CNTNAP2: variants seen among roughly 807,000 people sequenced by gnomAD.
The protein encoded by CNTNAP2 is contactin associated protein 2, also known as contactin-associated protein-like 2.
Under a neutral mutation model 155.2 loss-of-function variants are expected in CNTNAP2, and 98 were observed. The ratio of observed to expected loss-of-function variants is 0.63; its 90% CI spans 0.54 to 0.75. The LOEUF is 0.75. Ranked by LOEUF, CNTNAP2 falls within the 30% of genes least tolerant of loss-of-function variation. CNTNAP2 has a pLI of 0.00. For synonymous variants in CNTNAP2, 651 were observed against 631.2 expected (o/e 1.03, Z -0.47); for missense variants, 1,727 against 1,688.1 (o/e 1.02, Z -0.40).
intron 21 of CNTNAP2, among the ~76,000 whole-genome samples, chr7:148,365,758 GTGTATA>G (rs1798733642): frequency 1.1e-5 from 1 of 90,714 alleles, no homozygotes; most frequent in East Asian, 2.1e-4. Flanking sequence ...ATACATGTAT[GTGTATA>G]CGTGTATACA....
intron 1 of CNTNAP2, among the ~76,000 whole-genome samples, chr7:146,358,800 G>A (rs948862997): frequency 6.6e-6 from 1 of 152,174 alleles, no homozygotes; most frequent in African/African-American, 2.4e-5. Flanking sequence ...TTTAGGTTAA[G>A]AAACAGAATC....
intron 13 of CNTNAP2, among the ~76,000 whole-genome samples, chr7:147,871,371 T>C (rs1799323782): frequency 6.6e-6 from 1 of 152,238 alleles, no homozygotes; most frequent in African/African-American, 2.4e-5. Context: ...CTGCCCCAGA[T>C]ATTTTACTGG....
At chr7:147,719,254 C>T (rs1008472939) in intron 13 of CNTNAP2, among the ~76,000 whole-genome samples, 8 of 152,024 alleles carry the variant, frequency 5.3e-5, no homozygotes, top group Admixed American at 2.0e-4. Context: ...ACTCCAACTG[C>T]AAACAAGCCC....
At chr7:146,261,271 T>G (rs192998293) in intron 1 of CNTNAP2, among the ~76,000 whole-genome samples, 1 of 152,114 alleles carries the variant, frequency 6.6e-6, no homozygotes, top group East Asian at 1.9e-4. Context: ...ACTTAGTTAC[T>G]GAGATTAATA....
At chr7:146,380,867 G>T (rs947244330) in intron 1 of CNTNAP2, among the ~76,000 whole-genome samples, 1 of 127,156 alleles carries the variant, frequency 7.9e-6, no homozygotes. Context: ...GCGCAATCTC[G>T]GCTCACTGCA....
At chr7:146,970,985 C>G (rs565639746) in intron 3 of CNTNAP2, among the ~76,000 whole-genome samples, 7 of 152,224 alleles carry the variant, frequency 4.6e-5, no homozygotes, top group African/African-American at 1.7e-4. Flanking sequence ...ACTGCATATT[C>G]TCACTCATAG....
chr7:147,450,273 C>T (rs1554486210), intron 10 of CNTNAP2, among the ~76,000 whole-genome samples: 1 of 152,170 alleles, frequency 6.6e-6, no homozygotes. Flanking sequence ...ATGTGAGATG[C>T]AATATGAGGA....
rs182989243 is a variant in CNTNAP2 at position 146,778,182 on chromosome 7, G to A, written c.208+3801G>A. On this transcript the variant is annotated intron_variant, in intron 2 of 23. Transcript: ENST00000361727. ...GTTGAGCATTATGTTGATAAACATT[G>A]GCTTCAAGTTTTATTATTTACTTAA... 2.0e-3 allele frequency among the ~76,000 whole-genome samples: 304 copies of A among 152,170 alleles called. 2 individuals carry two copies. Among genetic ancestry groups the A allele is most frequent in the African/African-American group, 7.0e-3 (290 of 41,522 alleles).
chr7:146,935,712 A>G (rs780182337), intron 3 of CNTNAP2, among the ~76,000 whole-genome samples: 2 of 152,222 alleles, frequency 1.3e-5, no homozygotes, highest in Non-Finnish European at 2.9e-5. Flanking sequence ...AAACAGAAGT[A>G]TCTGTGCAGC....
intron 10 of CNTNAP2, among the ~76,000 whole-genome samples, chr7:147,482,045 ATTC>A (rs1414542673): frequency 6.6e-6 from 1 of 152,142 alleles, no homozygotes; most frequent in Non-Finnish European, 1.5e-5. Context: ...GCATTCATCC[ATTC>A]TTTCAGTCAA....
At chr7:148,075,504 C>T (rs1803467809) in intron 15 of CNTNAP2, among the ~76,000 whole-genome samples, 1 of 152,108 alleles carries the variant, frequency 6.6e-6, no homozygotes, top group Admixed American at 6.6e-5. Flanking sequence ...TGAAGGACCA[C>T]TTGCTCTACT....
intron 22 of CNTNAP2, among the ~76,000 whole-genome samples, chr7:148,396,414 G>T (rs1799468787): frequency 6.6e-6 from 1 of 152,158 alleles, no homozygotes; most frequent in Non-Finnish European, 1.5e-5. Flanking sequence ...GCACTCAGAG[G>T]AGCACAACAC....
chr7:147,864,085 A>T (rs1018731494), intron 13 of CNTNAP2, among the ~76,000 whole-genome samples: 1 of 151,908 alleles, frequency 6.6e-6, no homozygotes, highest in Non-Finnish European at 1.5e-5. Flanking sequence ...TCTTTAATCC[A>T]TCTTGAATTA....
At chr7:146,764,297 G>T (rs1177978095) in intron 1 of CNTNAP2, among the ~76,000 whole-genome samples, 1 of 152,100 alleles carries the variant, frequency 6.6e-6, no homozygotes, top group African/African-American at 2.4e-5. Flanking sequence ...GTTAAAAAAA[G>T]AAAAGTCTAC....
At chr7:148,009,660 T>A (rs556425839) in intron 15 of CNTNAP2, among the ~76,000 whole-genome samples, 6 of 152,110 alleles carry the variant, frequency 3.9e-5, no homozygotes, top group Non-Finnish European at 8.8e-5. Context: ...GCTCTGTATG[T>A]TTTGCATATT....
rs190149873 is a variant in CNTNAP2, at chr7:146,314,968, T to A, written c.97+197995T>A. On this transcript the variant is annotated intron_variant, in intron 1 of 23. Coordinates refer to ENST00000361727, the MANE Select transcript of CNTNAP2 (RefSeq NM_014141.6). ...ACAGGAGTGCTGTCCCTCCCAGTCT[T>A]GCTGGGAGAAGACTTCAACTCTTCA... 2.3e-3 allele frequency among the ~76,000 whole-genome samples: 357 copies of A among 152,312 alleles called. 2 individuals are homozygous for A. The highest frequency in any genetic ancestry group is 8.1e-3 in the African/African-American group (335 of 41,586).
At chr7:147,795,568 A>AGTTATCT (rs1797880164) in intron 13 of CNTNAP2, among the ~76,000 whole-genome samples, 1 of 152,076 alleles carries the variant, frequency 6.6e-6, no homozygotes. Flanking sequence ...TTAAATTAGA[A>AGTTATCT]GTTATCTGTC....
Position 146,116,922 on chromosome 7 carries a change from T to C in CNTNAP2, c.46T>C (p.Trp16Arg). 10 of 1,552,614 alleles carry C rather than the reference T, an allele frequency of 6.4e-6. No individual in the cohort carries two copies. Among genetic ancestry groups the C allele is most frequent in the Non-Finnish European group, 8.7e-6 (10 of 1,147,750 alleles). The change falls in exon 1 of 24, where the codon TGG (tryptophan) becomes CGG (arginine). Residue 16 changes from tryptophan (W) to arginine (R), a missense_variant. Trp to Arg is a moderately radical substitution (Grantham distance 101, BLOSUM62 -3). Transcript: ENST00000361727. This position sits in a 1 kb window ranked among gnomAD's most constrained non-coding sequence, Gnocchi z 5.5. ...CGGCTGCGGGGCAGCGCTCCTGCTG[T>C]GGATTGTCAGCAGCTGCCTCTGCAG... Reference protein sequence around the residue: ...RAGCGAALLLWIVSSCLCRAW... With the variant: ...RAGCGAALLLRIVSSCLCRAW...
At position 147,650,849 on chromosome 7, in the gene CNTNAP2, A is replaced by G. The variant is rs1466610923; in HGVS notation, c.2098+11543A>G. Among the ~76,000 whole-genome samples, 3 of 152,136 alleles carry G rather than the reference A, an allele frequency of 2.0e-5. No homozygotes were observed. In the East Asian group the frequency reaches 5.8e-4, roughly 29 times the overall value. On this transcript the variant is annotated intron_variant, in intron 13 of 23. Coordinates refer to ENST00000361727, the MANE Select transcript of CNTNAP2 (RefSeq NM_014141.6). ...GAGTGAAATTTTTTTTATGATGACA[A>G]TAAAATCATTTTGTATAAGACTTAT...
Sources: allele counts gnomAD v4.1 joint callset (sites outside exome capture counted in the v4.1 genomes callset), GRCh38; gene constraint gnomAD v4.1.1; non-coding constraint Gnocchi (gnomAD v3.1); transcripts MANE v1.5; gene names NCBI Gene and HGNC (gene_info 2026-07-23, HGNC 2026-07-21).